Variants in FAM3C observed in about 807,000 individuals in gnomAD.
FAM3C encodes protein FAM3C.
In FAM3C, 15 loss-of-function variants were observed where a neutral mutation model predicts 32.5. The ratio of observed to expected loss-of-function variants is 0.46; its 90% CI spans 0.31 to 0.71. FAM3C has a LOEUF of 0.71. Among genes scored for constraint, FAM3C ranks in the 30% least tolerant of loss-of-function variants. FAM3C has a pLI of 0.05. For synonymous variants in FAM3C, 75 were observed against 86.1 expected (o/e 0.87, Z 0.72); for missense variants, 175 against 274.4 (o/e 0.64, Z 2.56).
At chr7:121,352,326 T>A (rs998970503) in intron 8 of FAM3C, among the ~76,000 whole-genome samples, 3 of 152,016 alleles carry the variant, frequency 2.0e-5, no homozygotes, top group Non-Finnish European at 4.4e-5. Context: ...ATGGTTTTTT[T>A]AAAAAAGCTT....
chr7:121,371,454 T>C (rs752891018), intron 4 of FAM3C, 31 bp from the exon 5 acceptor site: 146 of 1,609,534 alleles, frequency 9.1e-5, no homozygotes, highest in Non-Finnish European at 1.2e-4. Flanking sequence ...TGTCTTTTTT[T>C]AGAAAACAAG....
chr7:121,389,173 C>A (rs1338066182), intron 1 of FAM3C, among the ~76,000 whole-genome samples: 1 of 152,068 alleles, frequency 6.6e-6, no homozygotes, highest in Non-Finnish European at 1.5e-5. Context: ...GCCTGACAGG[C>A]CATACACACT....
Position 121,388,686 on chromosome 7 carries a change from A to T in FAM3C, c.-41-5676T>A, listed in dbSNP as rs1794515305. On this transcript the variant is annotated intron_variant, in intron 1 of 9. Transcript: ENST00000359943. ...TAGATTTTTGACAGTTTTCTGAATC[A>T]ACATCATCTGGCTTTTCTTATTTTC... 2.0e-5 allele frequency among the ~76,000 whole-genome samples: 3 copies of T among 152,198 alleles called. No individual in the cohort carries two copies. The South Asian group carries it at 6.2e-4, about 31-fold the overall frequency.
chr7:121,389,590 T>A (rs192155711), intron 1 of FAM3C, among the ~76,000 whole-genome samples: 1 of 152,174 alleles, frequency 6.6e-6, no homozygotes, highest in South Asian at 2.1e-4. Context: ...ACAGCATTTC[T>A]GAGTTGGCAG....
Position 121,378,966 on chromosome 7 carries a change from TA to T in FAM3C, c.61del (p.Tyr21MetfsTer9). 1 of 1,578,468 alleles carries T rather than the reference TA, an allele frequency of 6.3e-7. No homozygotes were observed. The highest frequency in any genetic ancestry group is 1.9e-5 in the Admixed American group (1 of 53,520). On this transcript the variant is annotated frameshift_variant, in exon 3 of 10. Coordinates refer to ENST00000359943, the MANE Select transcript of FAM3C (RefSeq NM_014888.3). LOFTEE classifies it high-confidence loss of function. ...VAVAVFLLTF[Y>X]VISQVFEIKM... ...TATTTCAAATACTTGAGAAATAACA[TA>T]AAATGTCAGTAAAAACACTGCCACA...
rs1038839794 is a variant in FAM3C at position 121,364,205 on chromosome 7, T to A, written c.273-17A>T. 6.6e-7 allele frequency: 1 copy of A among 1,505,862 alleles called. No homozygotes were observed. Among genetic ancestry groups the A allele is most frequent in the Admixed American group, 1.7e-5 (1 of 59,292 alleles). 93.3% of individuals were successfully genotyped at this position (1,505,862 alleles called of 1,614,324 possible). A position where few individuals can be genotyped will look rare whatever the true frequency, so the allele number is the denominator to read the frequency against. ...CTCATTAAACTGAAGGGGGAGAAAT[T>A]GAAATAAATTTAGAATTAAATATTG... On this transcript the variant is annotated splice_polypyrimidine_tract_variant and intron_variant, in intron 5 of 9. Coordinates refer to ENST00000359943, the MANE Select transcript of FAM3C (RefSeq NM_014888.3).
chr7:121,367,226 T>C (rs561163948), intron 5 of FAM3C, among the ~76,000 whole-genome samples: 83 of 152,334 alleles, frequency 5.4e-4, no homozygotes, highest in Middle Eastern at 6.8e-3. Flanking sequence ...GAAATGATTA[T>C]ATCATCTGTA....
intron 4 of FAM3C, 136 bp downstream of exon 4, chr7:121,371,974 T>A: frequency 1.6e-6 from 1 of 612,408 alleles, no homozygotes; most frequent in Non-Finnish European, 2.9e-6. Context: ...TCCAATCAAA[T>A]AGCATCCTCA....
intron 7 of FAM3C, 149 bp downstream of exon 7, chr7:121,362,748 T>C: frequency 1.6e-6 from 1 of 614,360 alleles, no homozygotes; most frequent in South Asian, 2.1e-5. Context: ...ATAACTTAAA[T>C]ACAGCTGGAC....
At chr7:121,373,769 T>C (rs528413797) in intron 3 of FAM3C, among the ~76,000 whole-genome samples, 23 of 152,096 alleles carry the variant, frequency 1.5e-4, no homozygotes, top group Non-Finnish European at 2.5e-4. Context: ...ACGCCTGTAA[T>C]CCCAGCACTT....
intron 8 of FAM3C, among the ~76,000 whole-genome samples, chr7:121,359,622 T>C (rs2116883966): frequency 6.6e-6 from 1 of 152,006 alleles, no homozygotes; most frequent in African/African-American, 2.4e-5. Flanking sequence ...TACTATATAT[T>C]AAAATTATTT....
chr7:121,354,571 C>T (rs562240529), intron 8 of FAM3C, among the ~76,000 whole-genome samples: 38 of 152,198 alleles, frequency 2.5e-4, no homozygotes, highest in Non-Finnish European at 4.6e-4. Context: ...TCAAACCAAG[C>T]CAATGCTGCC....
At chr7:121,388,930 CTTGT>C in intron 1 of FAM3C, among the ~76,000 whole-genome samples, 1 of 152,110 alleles carries the variant, frequency 6.6e-6, no homozygotes, top group Non-Finnish European at 1.5e-5. Flanking sequence ...ACTGCTCTAC[CTTGT>C]TTTTCATTTG....
At chr7:121,381,038 A>G (rs1184467556) in intron 2 of FAM3C, among the ~76,000 whole-genome samples, 1 of 152,140 alleles carries the variant, frequency 6.6e-6, no homozygotes, top group Admixed American at 6.5e-5. Context: ...AGCAGTCTCC[A>G]TGGGGTTAGA....
intron 2 of FAM3C, among the ~76,000 whole-genome samples, 155 bp from the exon 3 acceptor site, chr7:121,379,169 C>T (rs543214832): frequency 6.6e-6 from 1 of 152,032 alleles, no homozygotes; most frequent in Non-Finnish European, 1.5e-5. Flanking sequence ...AAAAATTATA[C>T]AAACAATTCA....
intron 3 of FAM3C, among the ~76,000 whole-genome samples, 155 bp downstream of exon 3, chr7:121,378,755 A>G (rs1276161280): frequency 1.3e-5 from 2 of 152,192 alleles, no homozygotes; most frequent in African/African-American, 4.8e-5. Context: ...CAAAATATCT[A>G]ATTATATACT....
intron 8 of FAM3C, among the ~76,000 whole-genome samples, chr7:121,356,676 G>A (rs1793816611): frequency 6.6e-6 from 1 of 152,166 alleles, no homozygotes; most frequent in African/African-American, 2.4e-5. Flanking sequence ...TGCTTTAGGT[G>A]ACCTTTAAGA....
intron 1 of FAM3C, among the ~76,000 whole-genome samples, chr7:121,384,952 G>T (rs1385250229): frequency 6.6e-6 from 1 of 152,076 alleles, no homozygotes; most frequent in African/African-American, 2.4e-5. Context: ...TCTTCTTAGA[G>T]GGGGCATGTA....
intron 1 of FAM3C, among the ~76,000 whole-genome samples, chr7:121,392,382 G>C (rs527813219): frequency 2.0e-5 from 3 of 152,146 alleles, no homozygotes; most frequent in Non-Finnish European, 4.4e-5. Flanking sequence ...CAGCAGGAGA[G>C]AGAAGAGAGA....
Sources: allele counts gnomAD v4.1 joint callset (sites outside exome capture counted in the v4.1 genomes callset), GRCh38; gene constraint gnomAD v4.1.1; transcripts MANE v1.5; gene names NCBI Gene and HGNC (gene_info 2026-07-23, HGNC 2026-07-21).